Variants in CCDC198 observed in about 807,000 individuals in gnomAD.
The protein encoded by CCDC198 is coiled-coil domain containing 198, also known as factor associated with metabolism and energy.
A neutral mutation model predicts 35.6 loss-of-function variants in CCDC198; 18 were observed. The observed-to-expected ratio is 0.51, with a 90% CI of 0.35 to 0.75. The LOEUF (loss-of-function observed/expected upper bound fraction) is 0.75. Among genes scored for constraint, CCDC198 ranks in the 30% least tolerant of loss-of-function variants. The pLI is 0.01. For synonymous variants in CCDC198, 119 were observed against 113.4 expected (o/e 1.05, Z -0.31); for missense variants, 365 against 343.7 (o/e 1.06, Z -0.49).
intron 2 of CCDC198, among the ~76,000 whole-genome samples, chr14:57,485,260 G>T (rs1008699719): frequency 2.6e-5 from 4 of 152,138 alleles, no homozygotes; most frequent in African/African-American, 9.7e-5. Flanking sequence ...TCATGGGCAA[G>T]GTCAGGAGTG....
At chr14:57,480,188 G>T in intron 5 of CCDC198, 1 of 767,552 alleles carries the variant, frequency 1.3e-6, no homozygotes, top group Non-Finnish European at 1.6e-6. Context: ...AAAGGGTGCA[G>T]TCAGGAAGAT....
intron 5 of CCDC198, chr14:57,480,335 GACTTGCAATGAAGC>G: frequency 1.0e-6 from 1 of 966,346 alleles, no homozygotes; most frequent in East Asian, 1.1e-4. Context: ...GATGAGGCAA[GACTTGCAATGAAGC>G]ATGCAAAGCA....
chr14:57,479,584 G>A (rs572420299), intron 5 of CCDC198, among the ~76,000 whole-genome samples: 1 of 152,188 alleles, frequency 6.6e-6, no homozygotes, highest in Non-Finnish European at 1.5e-5. Flanking sequence ...GTAGGTCTGG[G>A]GTATGACCTC....
At chr14:57,473,636 G>T (rs978835964) in intron 5 of CCDC198, among the ~76,000 whole-genome samples, 36 of 152,160 alleles carry the variant, frequency 2.4e-4, no homozygotes, top group Admixed American at 8.5e-4. Flanking sequence ...TTGTGCTTTT[G>T]TTGTGTCCTT....
intron 3 of CCDC198, among the ~76,000 whole-genome samples, chr14:57,482,369 G>C (rs2067216760): frequency 6.6e-6 from 1 of 152,180 alleles, no homozygotes; most frequent in Non-Finnish European, 1.5e-5. Flanking sequence ...GTGAACCTCA[G>C]GGAGGGGCCA....
intron 5 of CCDC198, chr14:57,480,352 G>T: frequency 1.1e-6 from 1 of 933,368 alleles, no homozygotes; most frequent in Non-Finnish European, 1.3e-6. Context: ...AATGAAGCAT[G>T]CAAAGCATAT....
intron 2 of CCDC198, among the ~76,000 whole-genome samples, chr14:57,490,203 C>G (rs2139560402): frequency 6.6e-6 from 1 of 152,230 alleles, no homozygotes; most frequent in South Asian, 2.1e-4. Flanking sequence ...GTGATAGATC[C>G]TGCTCACAAG....
At chr14:57,476,877 G>A (rs1230813535) in intron 5 of CCDC198, among the ~76,000 whole-genome samples, 2 of 152,228 alleles carry the variant, frequency 1.3e-5, no homozygotes, top group Non-Finnish European at 2.9e-5. Flanking sequence ...ACTACTTTTA[G>A]AAGGCGTGGA....
chr14:57,480,640 C>T lies in CCDC198; in HGVS notation c.610G>A (p.Asp204Asn), dbSNP rs770310584. The T allele has an allele frequency of 6.2e-7, 1 of 1,614,182 alleles. No individual in the cohort carries two copies. The highest frequency in any genetic ancestry group is 1.1e-5 in the South Asian group (1 of 91,076). The change falls in exon 5 of 6, where the codon GAC (aspartate) becomes AAC (asparagine). Residue 204 changes from aspartate (D) to asparagine (N), a missense_variant. Coordinates refer to ENST00000216445, the MANE Select transcript of CCDC198 (RefSeq NM_018168.4). The part of the protein sequence containing the change: ...LQSTPRNDDH[D>N]LLTMLPDEIL... ...TCATCAGGCAACATGGTTAGAAGGT[C>T]ATGGTCATCATTCCTTGGGGTGCTT...
rs537017877 is a variant in CCDC198, at chr14:57,480,838, G to A, written c.496-84C>T. 22 of 1,419,454 alleles carry A rather than the reference G, an allele frequency of 1.5e-5. No homozygotes were observed. In the South Asian group the frequency reaches 2.5e-4, roughly 16 times the overall value. The allele number at this position is 1,419,454 out of a possible 1,614,324, so 87.9% of individuals were successfully genotyped here. On this transcript the variant is annotated intron_variant, in intron 4 of 5. Transcript: ENST00000216445. Reference sequence around the variant, plus strand: ...GATCAACAGATCAGCCACTTTGCAAGTTGTGTGCTTATCTGTAGACATCTG... The same window carrying A: ...GATCAACAGATCAGCCACTTTGCAAATTGTGTGCTTATCTGTAGACATCTG...
intron 2 of CCDC198, among the ~76,000 whole-genome samples, chr14:57,485,858 C>T (rs1262879388): frequency 6.6e-6 from 1 of 152,188 alleles, no homozygotes; most frequent in Non-Finnish European, 1.5e-5. Context: ...GTTCCATTCT[C>T]ACCTCAGAGG....
At chr14:57,480,298 G>A (rs1196614097) in intron 5 of CCDC198, 10 of 985,272 alleles carry the variant, frequency 1.0e-5, no homozygotes, top group African/African-American at 8.7e-5. Flanking sequence ...CACAAGATGA[G>A]GCTATTTTGC....
At position 57,493,706 on chromosome 14, in the gene CCDC198, T is replaced by G; in HGVS notation, c.10A>C (p.Ser4Arg). The change falls in exon 1 of 6, where the codon AGT becomes CGT. Residue 4 changes from serine (S) to arginine (R), a missense_variant. Coordinates refer to ENST00000216445, the MANE Select transcript of CCDC198 (RefSeq NM_018168.4). Reference protein sequence around the residue: MGLSHSKTHLRVIK... With the variant: MGLRHSKTHLRVIK... ...ACCCTAAGGTGAGTCTTAGAGTGAC[T>G]CAGGCCCATTTCATGTGAAAGACAT... 6.2e-7 allele frequency: 1 copy of G among 1,612,290 alleles called. No homozygotes were observed. Among genetic ancestry groups the G allele is most frequent in the African/African-American group, 1.3e-5 (1 of 74,932 alleles).
At chr14:57,480,796 C>T in intron 4 of CCDC198, 42 bp from the exon 5 acceptor site, 2 of 1,604,066 alleles carry the variant, frequency 1.2e-6, no homozygotes, top group African/African-American at 1.3e-5. Context: ...TCTTCCCAAG[C>T]TACTTTCACC....
At chr14:57,480,570 T>C (rs763117260) in intron 5 of CCDC198, 25 bp downstream of exon 5, 13 of 1,607,934 alleles carry the variant, frequency 8.1e-6, no homozygotes, top group Non-Finnish European at 1.0e-5. Context: ...TGAAATGTTT[T>C]ACTAAAAAAT....
intron 5 of CCDC198, chr14:57,480,337 C>G (rs2067140201): frequency 1.0e-6 from 1 of 967,374 alleles, no homozygotes; most frequent in Admixed American, 6.2e-5. Flanking sequence ...TGAGGCAAGA[C>G]TTGCAATGAA....
intron 5 of CCDC198, chr14:57,480,381 G>A: frequency 1.1e-6 from 1 of 871,120 alleles, no homozygotes; most frequent in Non-Finnish European, 1.4e-6. Flanking sequence ...TACAAAGAAA[G>A]AGACATTTAA....
rs2066778591 is a variant in CCDC198 at position 57,469,431 on chromosome 14, G to A, written c.*1924C>T. 1 of 152,228 alleles carries A rather than the reference G, an allele frequency of 6.6e-6. No individual in the cohort carries two copies. The allele number at this position is 152,228 out of a possible 1,614,324, so 9.4% of individuals were successfully genotyped here. ...CAGTTCATTAAGCTTGTGGAAGTGG[G>A]TTTCGTGAAATTGAATTTTAAGTCA... On this transcript the variant is annotated 3_prime_UTR_variant, in exon 6 of 6. Coordinates refer to ENST00000216445, the MANE Select transcript of CCDC198 (RefSeq NM_018168.4).
Position 57,493,830 on chromosome 14 carries a change from A to G in CCDC198, c.-115T>C. On this transcript the variant is annotated 5_prime_UTR_variant, in exon 1 of 6. It removes an upstream start codon present in the reference 5' UTR. Transcript: ENST00000216445. ...TTTACCCTCGCTTTACAAAGCAGTC[A>G]TTTCCTTCATGGCATCCTTCTAGCT... 1 of 773,326 alleles carries G rather than the reference A, an allele frequency of 1.3e-6. No homozygotes were observed. The highest frequency in any genetic ancestry group is 2.1e-6 in the Non-Finnish European group (1 of 487,520). 47.9% of individuals were successfully genotyped at this position (773,326 alleles called of 1,614,324 possible).
Sources: gnomAD v4.1 joint callset for allele counts (sites outside exome capture counted in the v4.1 genomes callset) on GRCh38, gnomAD v4.1.1 for gene constraint, MANE v1.5 for transcripts, NCBI Gene and HGNC (gene_info 2026-07-23, HGNC 2026-07-21) for gene names.